Variants in ADAMTS9 observed in about 807,000 individuals in gnomAD.
ADAMTS9 encodes ADAM metallopeptidase with thrombospondin type 1 motif 9.
Under a neutral mutation model 257.1 loss-of-function variants are expected in ADAMTS9, and 107 were observed. That is an observed-to-expected ratio of 0.42 (90% CI 0.36 to 0.49). The LOEUF (loss-of-function observed/expected upper bound fraction) is 0.49. Among genes scored for constraint, ADAMTS9 ranks in the 20% least tolerant of loss-of-function variants. ADAMTS9 has a pLI of 0.03. For synonymous variants in ADAMTS9, 982 were observed against 880.9 expected (o/e 1.11, Z -2.03); for missense variants, 2,353 against 2,469.1 (o/e 0.95, Z 1.00).
At position 64,607,091 on chromosome 3, in the gene ADAMTS9, A is replaced by G; in HGVS notation, c.3355-12T>C. 1.2e-6 allele frequency: 2 copies of G among 1,613,142 alleles called. No individual in the cohort carries two copies. The highest frequency in any genetic ancestry group is 1.7e-6 in the Non-Finnish European group (2 of 1,179,580). On this transcript the variant is annotated splice_polypyrimidine_tract_variant and intron_variant, in intron 22 of 39. Transcript: ENST00000498707. ...CAAGTGACACTGCACTGGAAGAAGGAGGACAAAAGGTATATACAATTCAGC... is the reference window on the plus strand; with the variant it reads ...CAAGTGACACTGCACTGGAAGAAGGGGGACAAAAGGTATATACAATTCAGC...
chr3:64,658,601 G>C lies in ADAMTS9; in HGVS notation c.870C>G (p.Ser290=), dbSNP rs950461771. ...RTHRRTKRFL[S]YPRFVEVLVV... is the part of the protein sequence containing the mutation. Reference sequence around the variant, plus strand: ...CCAAGACTTCTACAAACCGTGGATAGGATAAAAAACGTTTTGTCCTTCTGT... The same window carrying C: ...CCAAGACTTCTACAAACCGTGGATACGATAAAAAACGTTTTGTCCTTCTGT... Residue 290 remains serine, a synonymous_variant, in exon 4 of 40, where the codon TCC becomes TCG. Coordinates refer to ENST00000498707, the MANE Select transcript of ADAMTS9 (RefSeq NM_182920.2). The C allele has an allele frequency of 1.2e-6, 2 of 1,613,924 alleles. No homozygotes were observed. The highest frequency in any genetic ancestry group is 2.7e-5 in the African/African-American group (2 of 74,876).
In ADAMTS9 at chr3:64,596,840, T is replaced by G; in HGVS notation, c.4169A>C (p.Asn1390Thr). Residue 1390 changes from asparagine (N) to threonine (T), a missense_variant, in exon 27 of 40, where the codon AAC (asparagine) becomes ACC (threonine). Around this residue, in one of 3 missense-constraint regions of ADAMTS9, gnomAD observed 1,402 missense variants for 1,441.4 expected, o/e 0.97. Transcript: ENST00000498707. ...ATAGTTCACTCTCACCTCTCCCCAG[T>G]TGCCATAAGCCCACTGAGGACAAGG... ...SGPCPQWAYG[N>T]WGECTKLCGG... is the part of the protein sequence containing the mutation. 1.9e-6 allele frequency: 3 copies of G among 1,613,994 alleles called. No homozygotes were observed. The highest frequency in any genetic ancestry group is 2.5e-6 in the Non-Finnish European group (3 of 1,179,908).
chr3:64,560,989 C>T (rs1448266472), intron 30 of ADAMTS9, among the ~76,000 whole-genome samples: 1 of 152,000 alleles, frequency 6.6e-6, no homozygotes, highest in Non-Finnish European at 1.5e-5. Flanking sequence ...CAAACATTAA[C>T]TTGAAGCCAG....
intron 3 of ADAMTS9, among the ~76,000 whole-genome samples, chr3:64,665,265 G>A (rs1156583227): frequency 6.6e-6 from 1 of 152,160 alleles, no homozygotes; most frequent in Non-Finnish European, 1.5e-5. Context: ...GCTCACAAAA[G>A]GGAAGTAGTC....
At chr3:64,631,155 A>G (rs1700359084) in intron 16 of ADAMTS9, among the ~76,000 whole-genome samples, 1 of 152,218 alleles carries the variant, frequency 6.6e-6, no homozygotes, top group Admixed American at 6.5e-5. Flanking sequence ...GAGAGCAAGG[A>G]TTTTATGCTA....
At chr3:64,619,266 TA>T (rs1271043544) in intron 19 of ADAMTS9, among the ~76,000 whole-genome samples, 1 of 151,818 alleles carries the variant, frequency 6.6e-6, no homozygotes, top group Non-Finnish European at 1.5e-5. Context: ...AAAAAACAGG[TA>T]AGGGGCTCCA....
At chr3:64,636,441 T>C (rs970351637) in intron 12 of ADAMTS9, among the ~76,000 whole-genome samples, 23 of 152,178 alleles carry the variant, frequency 1.5e-4, no homozygotes, top group African/African-American at 5.3e-4. Flanking sequence ...TTTGCTTATC[T>C]GTAAAAGGGA....
At chr3:64,649,540 G>A in intron 10 of ADAMTS9, 97 bp downstream of exon 10, 1 of 1,387,258 alleles carries the variant, frequency 7.2e-7, no homozygotes, top group Non-Finnish European at 9.7e-7. Context: ...CTTTTCCTTG[G>A]GTAGTTTATA....
chr3:64,597,537 T>G (rs531810200), intron 26 of ADAMTS9, among the ~76,000 whole-genome samples: 7 of 152,192 alleles, frequency 4.6e-5, no homozygotes, highest in Non-Finnish European at 8.8e-5. Context: ...GATAAAATGT[T>G]CCTTTCTCTC....
At chr3:64,641,497 A>C (rs1327950304) in intron 12 of ADAMTS9, among the ~76,000 whole-genome samples, 3 of 115,536 alleles carry the variant, frequency 2.6e-5, no homozygotes, top group African/African-American at 3.5e-5. Flanking sequence ...CAGTCCCCAG[A>C]GTGTGATGTT....
At chr3:64,547,512 ATT>A (rs58728148) in intron 31 of ADAMTS9, among the ~76,000 whole-genome samples, 46 of 122,102 alleles carry the variant, frequency 3.8e-4, no homozygotes, top group Middle Eastern at 5.5e-3. Context: ...CTGGCTATAG[ATT>A]TTTTTTTTTT....
intron 3 of ADAMTS9, among the ~76,000 whole-genome samples, chr3:64,665,794 A>G (rs1013267210): frequency 6.6e-6 from 1 of 152,224 alleles, no homozygotes; most frequent in Non-Finnish European, 1.5e-5. Flanking sequence ...CTACTATCCC[A>G]TATGAAGGCT....
chr3:64,612,994 G>A (rs958919845), intron 22 of ADAMTS9, among the ~76,000 whole-genome samples: 2 of 152,080 alleles, frequency 1.3e-5, no homozygotes, highest in African/African-American at 4.8e-5. Flanking sequence ...AGAGACTCTG[G>A]TGCTGGATCA....
chr3:64,647,904 CCCT>C (rs1700836372), intron 11 of ADAMTS9, 33 bp downstream of exon 11: 2 of 1,581,388 alleles, frequency 1.3e-6, no homozygotes, highest in African/African-American at 1.4e-5. Flanking sequence ...CACATTTCTG[CCCT>C]AAGACAGAAG....
chr3:64,595,725 A>G (rs1407788571), intron 27 of ADAMTS9, among the ~76,000 whole-genome samples: 3 of 152,202 alleles, frequency 2.0e-5, no homozygotes, highest in Non-Finnish European at 4.4e-5. Context: ...GGCTGAAACC[A>G]TGAAATGTGG....
chr3:64,533,285 C>A lies in ADAMTS9; in HGVS notation c.5614-15G>T. ...CTAAAACGACCCTGGAAAACACGAC[C>A]AACAAAAGAGATTTTCAGTCCATGT... On this transcript the variant is annotated splice_polypyrimidine_tract_variant and intron_variant, in intron 37 of 39. Coordinates refer to ENST00000498707, the MANE Select transcript of ADAMTS9 (RefSeq NM_182920.2). 1 of 1,605,826 alleles carries A rather than the reference C, an allele frequency of 6.2e-7. No homozygotes were observed. Among genetic ancestry groups the A allele is most frequent in the Non-Finnish European group, 8.5e-7 (1 of 1,172,616 alleles).
chr3:64,525,704 G>A (rs190058459), intron 38 of ADAMTS9, among the ~76,000 whole-genome samples: 5 of 151,716 alleles, frequency 3.3e-5, no homozygotes, highest in Non-Finnish European at 7.4e-5. Flanking sequence ...TCCACCTCCC[G>A]GGTTCAAGCG....
chr3:64,520,616 A>G (rs2082837535), intron 39 of ADAMTS9, among the ~76,000 whole-genome samples: 1 of 152,202 alleles, frequency 6.6e-6, no homozygotes, highest in South Asian at 2.1e-4. Context: ...AATTAATGGA[A>G]CAGAATAAGG....
rs1040054793 is a variant in ADAMTS9, at chr3:64,541,028, A to G, written c.5521+67T>C. 7.5e-6 allele frequency: 12 copies of G among 1,595,366 alleles called. No individual in the cohort carries two copies. In the African/African-American group the frequency reaches 1.3e-4, roughly 18 times the overall value. On this transcript the variant is annotated intron_variant, in intron 36 of 39. Transcript: ENST00000498707. The stretch of plus-strand genomic sequence containing the variant: ...GCACCTCCCTGCTAGCCAATGTGCA[A>G]GACATGCTTGCTGTCTGAATGGAGA...
Sources: allele counts gnomAD v4.1 joint callset (sites outside exome capture counted in the v4.1 genomes callset), GRCh38; gene constraint gnomAD v4.1.1; regional missense constraint gnomAD v4.1.1; transcripts MANE v1.5; gene names NCBI Gene and HGNC (gene_info 2026-07-23, HGNC 2026-07-21).